The following PTPRJ variants were observed in gnomAD, a reference collection of about 807,000 sequenced individuals.
PTPRJ encodes the protein receptor-type tyrosine-protein phosphatase eta.
A neutral mutation model predicts 141.3 loss-of-function variants in PTPRJ; 129 were observed. The observed-to-expected ratio is 0.91, with a 90% CI of 0.79 to 1.06. The LOEUF is 1.06. PTPRJ is among the 50% of genes least tolerant of loss of function. The pLI, the probability that PTPRJ is intolerant of heterozygous loss-of-function variation, is 0.00. For missense variants in PTPRJ, 1,601 were observed against 1,679.7 expected, an observed-to-expected ratio of 0.95 and a Z score of 0.82; for synonymous variants, 610 against 640.5, an observed-to-expected ratio of 0.95 and a Z score of 0.72.
intron 11 of PTPRJ, among the ~76,000 whole-genome samples, chr11:48,140,918 G>A (rs1857216625): frequency 6.6e-6 from 1 of 152,174 alleles, no homozygotes; most frequent in African/African-American, 2.4e-5. Flanking sequence ...ATGCAAACTG[G>A]TCACCTCTCA....
intron 1 of PTPRJ, among the ~76,000 whole-genome samples, chr11:48,066,830 C>T (rs1272874466): frequency 1.3e-5 from 2 of 152,114 alleles, no homozygotes; most frequent in Non-Finnish European, 2.9e-5. Flanking sequence ...AGGTGATCCG[C>T]CTGCCTCGGC....
At chr11:47,986,091 C>A (rs1854044721) in intron 1 of PTPRJ, among the ~76,000 whole-genome samples, 1 of 152,166 alleles carries the variant, frequency 6.6e-6, no homozygotes, top group Non-Finnish European at 1.5e-5. Context: ...TTCCAAGTAG[C>A]CAGGACTGCA....
In PTPRJ at chr11:48,167,895, A is replaced by G. The variant is rs1412831181; in HGVS notation, c.*533A>G. On this transcript the variant is annotated 3_prime_UTR_variant, in exon 25 of 25. Transcript: ENST00000418331. The stretch of plus-strand genomic sequence containing the variant: ...TTTGAACATGTGCCTTTTCTGAATT[A>G]TGCTTCCACAGGCAAAACTCAGTAG... 1.3e-5 allele frequency: 2 copies of G among 152,326 alleles called. No individual in the cohort carries two copies. Among genetic ancestry groups the G allele is most frequent in the African/African-American group, 4.8e-5 (2 of 41,426 alleles). The allele number at this position is 152,326 out of a possible 1,614,324, so 9.4% of individuals were successfully genotyped here.
At chr11:48,101,739 A>G (rs908610361) in intron 1 of PTPRJ, among the ~76,000 whole-genome samples, 2 of 152,170 alleles carry the variant, frequency 1.3e-5, no homozygotes, top group African/African-American at 4.8e-5. Context: ...AGCTGTTTTT[A>G]TCCGTATTCT....
intron 11 of PTPRJ, among the ~76,000 whole-genome samples, chr11:48,142,534 T>C (rs1261278712): frequency 1.3e-5 from 2 of 152,208 alleles, no homozygotes; most frequent in African/African-American, 2.4e-5. Flanking sequence ...CGATGTTTTG[T>C]GGTTTTCACT....
At chr11:48,125,594 C>A (rs60725758) in intron 6 of PTPRJ, among the ~76,000 whole-genome samples, 3,134 of 152,240 alleles carry the variant, frequency 0.021, 104 homozygotes, top group African/African-American at 0.071. Flanking sequence ...TAATTCATAC[C>A]GATCTTTCTG....
Position 47,980,575 on chromosome 11 carries a change from C to A in PTPRJ, c.-338C>A. ...CCCTGCAGCAGCCCCAGCCGCATGA[C>A]GCGCGGAGGAGGCAGCGGGAGCAGC... On this transcript the variant is annotated 5_prime_UTR_variant, in exon 1 of 25. Coordinates refer to ENST00000418331, the MANE Select transcript of PTPRJ (RefSeq NM_002843.4). The A allele has an allele frequency of 1.0e-6, 1 of 982,934 alleles. No individual in the cohort carries two copies. The highest frequency in any genetic ancestry group is 1.8e-5 in the African/African-American group (1 of 57,072). 60.9% of individuals were successfully genotyped at this position (982,934 alleles called of 1,614,324 possible). A position where few individuals can be genotyped will look rare whatever the true frequency, so the allele number is the denominator to read the frequency against.
Position 48,125,117 on chromosome 11 carries a change from A to G in PTPRJ, c.1024A>G (p.Asn342Asp). Residue 342 changes from asparagine to aspartate, a missense_variant, in exon 6 of 25, where the codon AAT (asparagine) becomes GAT (aspartate). By Grantham distance (23) the Asn-to-Asp change is conservative. Coordinates refer to ENST00000418331, the MANE Select transcript of PTPRJ (RefSeq NM_002843.4). ...CGGGTTAGAGCCTGGCACCCGATAC[A>G]ATGCCACCGTTTATTCCCAAGCAGC... The part of the protein sequence containing the change: ...LVGLEPGTRY[N>D]ATVYSQAANG... 1 of 1,614,032 alleles carries G rather than the reference A, an allele frequency of 6.2e-7. No individual in the cohort carries two copies. The highest frequency in any genetic ancestry group is 8.5e-7 in the Non-Finnish European group (1 of 1,179,986).
rs1857443690 is a variant in PTPRJ at position 48,150,077 on chromosome 11, A to G, written c.3051-19A>G. ...ACTTCACTGAATGTAAAAAATCCTG[A>G]TAAGTTTTGTTTTCTTAGATCTAAG... On this transcript the variant is annotated intron_variant, in intron 17 of 24. Transcript: ENST00000418331. 3.1e-6 allele frequency: 5 copies of G among 1,601,206 alleles called. No individual in the cohort carries two copies. Among genetic ancestry groups the G allele is most frequent in the Non-Finnish European group, 4.3e-6 (5 of 1,169,910 alleles).
intron 24 of PTPRJ, 43 bp downstream of exon 24, chr11:48,164,558 A>ATTTT (rs60806872): frequency 0.013 from 9,736 of 772,506 alleles, 406 homozygotes; most frequent in African/African-American, 0.023. Context: ...CTTCCCCTCC[A>ATTTT]TTTTTTTTTT....
chr11:48,062,877 A>T (rs1348388620), intron 1 of PTPRJ, among the ~76,000 whole-genome samples: 5 of 152,204 alleles, frequency 3.3e-5, no homozygotes, highest in Non-Finnish European at 7.3e-5. Context: ...CTCTGCCTGG[A>T]TAGAGGCAGG....
At chr11:48,089,489 C>T (rs993351812) in intron 1 of PTPRJ, among the ~76,000 whole-genome samples, 2 of 144,260 alleles carry the variant, frequency 1.4e-5, no homozygotes, top group African/African-American at 5.3e-5. Context: ...GTACTCTAGC[C>T]TGGGCAACGG....
At chr11:48,150,058 C>T in intron 17 of PTPRJ, 38 bp from the exon 18 acceptor site, 1 of 1,570,648 alleles carries the variant, frequency 6.4e-7, no homozygotes. Context: ...ATGGACTTCA[C>T]TGAATGTAAA....
chr11:48,104,612 A>G (rs1325529854), intron 1 of PTPRJ, among the ~76,000 whole-genome samples: 1 of 152,172 alleles, frequency 6.6e-6, no homozygotes, highest in Non-Finnish European at 1.5e-5. Flanking sequence ...AAACCTGGAG[A>G]GCTTTGTCAC....
chr11:48,059,825 C>CA (rs1478426372), intron 1 of PTPRJ, among the ~76,000 whole-genome samples: 1 of 152,230 alleles, frequency 6.6e-6, no homozygotes, highest in African/African-American at 2.4e-5. Context: ...GACCCAAGGT[C>CA]ACACCTAGCA....
chr11:48,156,469 A>G (rs1028133306), intron 21 of PTPRJ, among the ~76,000 whole-genome samples: 5 of 151,844 alleles, frequency 3.3e-5, no homozygotes. Context: ...CAAGCCCATC[A>G]TGTCTCTAAG....
chr11:48,164,551 C>T (rs1056492793), intron 24 of PTPRJ, 36 bp downstream of exon 24: 17 of 1,466,990 alleles, frequency 1.2e-5, no homozygotes, highest in Middle Eastern at 1.8e-4. Flanking sequence ...TTCCACCCTT[C>T]CCCTCCATTT....
chr11:48,120,759 G>A (rs1375125490), intron 3 of PTPRJ, among the ~76,000 whole-genome samples: 7 of 152,070 alleles, frequency 4.6e-5, no homozygotes, highest in Non-Finnish European at 1.0e-4. Flanking sequence ...TTAAGTCACA[G>A]CCAGCATGGT....
intron 1 of PTPRJ, among the ~76,000 whole-genome samples, chr11:48,062,027 C>T (rs1306042485): frequency 6.6e-6 from 1 of 151,388 alleles, no homozygotes; most frequent in Non-Finnish European, 1.5e-5. Context: ...ACCTCAGCCT[C>T]CTGAGTAGCT....
Sources: allele counts gnomAD v4.1 joint callset (sites outside exome capture counted in the v4.1 genomes callset), GRCh38; gene constraint gnomAD v4.1.1; transcripts MANE v1.5; gene names NCBI Gene and HGNC (gene_info 2026-07-23, HGNC 2026-07-21).